The following NDUFAF2 variants were observed in gnomAD, a reference collection of about 807,000 sequenced individuals.
NDUFAF2 encodes the protein NADH dehydrogenase [ubiquinone] 1 alpha subcomplex assembly factor 2.
Under a neutral mutation model 22.8 loss-of-function variants are expected in NDUFAF2, and 13 were observed. The ratio of observed to expected loss-of-function variants is 0.57; its 90% CI spans 0.37 to 0.91. The LOEUF (loss-of-function observed/expected upper bound fraction) is 0.91, where lower values mean the gene tolerates loss of function less well. Ranked by LOEUF, NDUFAF2 falls within the 40% of genes least tolerant of loss-of-function variation. The pLI is 0.01. For synonymous variants in NDUFAF2, 53 were observed against 64.2 expected, an observed-to-expected ratio of 0.83 and a Z score of 0.84; for missense variants, 162 against 195.2, an observed-to-expected ratio of 0.83 and a Z score of 1.01.
chr5:61,051,331 G>GA (rs1752021344), intron 1 of NDUFAF2, among the ~76,000 whole-genome samples: 7 of 151,764 alleles, frequency 4.6e-5, no homozygotes, highest in Admixed American at 4.6e-4. Flanking sequence ...TGTACTTATC[G>GA]CTCTCTATTG....
At chr5:61,121,257 T>C (rs968334875) in intron 3 of NDUFAF2, among the ~76,000 whole-genome samples, 1 of 152,334 alleles carries the variant, frequency 6.6e-6, no homozygotes, top group South Asian at 2.1e-4. Context: ...TCAAATGTAC[T>C]CAATTTCCTT....
chr5:61,098,087 T>A lies in NDUFAF2; in HGVS notation c.218-905T>A, dbSNP rs1300964668. Among the ~76,000 whole-genome samples, 4 of 152,234 alleles carry A rather than the reference T, an allele frequency of 2.6e-5. 1 individual carries two copies. The highest frequency in any genetic ancestry group is 5.9e-5 in the Non-Finnish European group (4 of 68,042). ...TCTTATTTTTAAGAGATTTATTGAA[T>A]AATAGTAATAATTATACTAATAACT... On this transcript the variant is annotated intron_variant, in intron 2 of 3. Transcript: ENST00000296597.
intron 1 of NDUFAF2, among the ~76,000 whole-genome samples, chr5:61,051,525 G>A (rs1752023593): frequency 1.3e-5 from 2 of 151,984 alleles, no homozygotes. Flanking sequence ...AAAATATTAG[G>A]GTCATTGAAC....
chr5:61,099,185 C>T lies in NDUFAF2; in HGVS notation c.258+153C>T, dbSNP rs111335284. Among the ~76,000 whole-genome samples, 270 of 149,726 alleles carry T rather than the reference C, an allele frequency of 1.8e-3. 2 individuals are homozygous for T. Among genetic ancestry groups the T allele is most frequent in the African/African-American group, 6.4e-3 (262 of 40,996 alleles). On this transcript the variant is annotated intron_variant, in intron 3 of 3. Coordinates refer to ENST00000296597, the MANE Select transcript of NDUFAF2 (RefSeq NM_174889.5). ...ATTTTATAATAAATTAATATATAAA[C>T]CTATATTATTAATAAAATAATATAT...
intron 1 of NDUFAF2, among the ~76,000 whole-genome samples, chr5:61,000,047 A>G (rs927390768): frequency 1.3e-5 from 2 of 152,126 alleles, no homozygotes; most frequent in African/African-American, 4.8e-5. Flanking sequence ...TTAGAAGACC[A>G]TATGATAAAA....
intron 2 of NDUFAF2, among the ~76,000 whole-genome samples, chr5:61,089,582 T>C (rs1752542821): frequency 6.6e-6 from 1 of 152,124 alleles, no homozygotes; most frequent in Non-Finnish European, 1.5e-5. Context: ...GCATCACTCA[T>C]CATCCCAACA....
At chr5:61,006,662 C>T (rs1751370754) in intron 1 of NDUFAF2, among the ~76,000 whole-genome samples, 1 of 152,054 alleles carries the variant, frequency 6.6e-6, no homozygotes, top group Non-Finnish European at 1.5e-5. Context: ...CTTCACATCC[C>T]TTGTAAGTTG....
intron 1 of NDUFAF2, among the ~76,000 whole-genome samples, chr5:60,956,731 T>A (rs1015952548): frequency 6.6e-6 from 1 of 152,126 alleles, no homozygotes; most frequent in African/African-American, 2.4e-5. Flanking sequence ...TGTGCTGAGG[T>A]TTTTATGAAA....
intron 3 of NDUFAF2, among the ~76,000 whole-genome samples, chr5:61,135,148 A>T (rs1740904675): frequency 1.3e-5 from 2 of 152,116 alleles, no homozygotes; most frequent in South Asian, 2.1e-4. Flanking sequence ...CTGAAAAAAA[A>T]AAAAGCATAT....
At chr5:61,058,748 A>G (rs542077158) in intron 1 of NDUFAF2, among the ~76,000 whole-genome samples, 4 of 152,138 alleles carry the variant, frequency 2.6e-5, no homozygotes, top group African/African-American at 9.6e-5. Context: ...TACATTGTAG[A>G]CAATTTAGCT....
chr5:61,014,938 G>A (rs929668925), intron 1 of NDUFAF2, among the ~76,000 whole-genome samples: 2 of 152,104 alleles, frequency 1.3e-5, no homozygotes, highest in Non-Finnish European at 2.9e-5. Flanking sequence ...ACTATATATA[G>A]GGAGAAGAGA....
intron 1 of NDUFAF2, among the ~76,000 whole-genome samples, chr5:61,026,706 T>A (rs1028857100): frequency 6.6e-6 from 1 of 152,070 alleles, no homozygotes; most frequent in African/African-American, 2.4e-5. Context: ...TTTTAAAAAT[T>A]TTTTGAATGG....
At chr5:61,104,543 T>C (rs922135068) in intron 3 of NDUFAF2, among the ~76,000 whole-genome samples, 2 of 152,070 alleles carry the variant, frequency 1.3e-5, no homozygotes, top group African/African-American at 4.8e-5. Context: ...ATGATACTGC[T>C]GCGGTCTAAA....
At chr5:60,984,823 G>A (rs183015770) in intron 1 of NDUFAF2, among the ~76,000 whole-genome samples, 3 of 152,254 alleles carry the variant, frequency 2.0e-5, no homozygotes, top group South Asian at 2.1e-4. Context: ...TTTTTGCATC[G>A]ATGTTCATCA....
At chr5:61,150,807 A>C (rs1416065326) in intron 3 of NDUFAF2, among the ~76,000 whole-genome samples, 1 of 152,222 alleles carries the variant, frequency 6.6e-6, no homozygotes, top group East Asian at 1.9e-4. Context: ...AGACACAGGG[A>C]CTTGAATTTT....
chr5:61,146,055 C>T (rs920197758), intron 3 of NDUFAF2: 1 of 152,144 alleles, frequency 6.6e-6, no homozygotes, highest in Non-Finnish European at 1.5e-5. Flanking sequence ...TGACTAGAGA[C>T]TTTTTGTTGA....
At position 61,152,707 on chromosome 5, in the gene NDUFAF2, A is replaced by C. The variant is rs1327870556; in HGVS notation, c.262A>C (p.Ile88Leu). The C allele has an allele frequency of 9.6e-6, 15 of 1,554,854 alleles. No individual in the cohort carries two copies. Among genetic ancestry groups the C allele is most frequent in the African/African-American group, 1.4e-5 (1 of 71,830 alleles). ...TTCCATTTATATATACATGCAGGAA[A>C]TACTAAAGAATGAAAAACACAGAGA... ...TRKTPPTMEE[I>L]LKNEKHREEI... The change falls in exon 4 of 4, where the codon ATA becomes CTA. Residue 88 changes from isoleucine to leucine, a missense_variant. Physicochemically the swap from Ile to Leu is conservative, Grantham distance 5 (BLOSUM62 2). This residue lies in a region of NDUFAF2 where 68 missense variants were observed against 110.0 expected (regional missense o/e 0.62). Transcript: ENST00000296597.
chr5:61,090,645 T>C (rs375806368), intron 2 of NDUFAF2, among the ~76,000 whole-genome samples: 19 of 152,196 alleles, frequency 1.2e-4, no homozygotes, highest in African/African-American at 4.6e-4. Context: ...AGCTGTTTTC[T>C]AGAAAAAAAA....
At chr5:60,988,816 A>G (rs1040282553) in intron 1 of NDUFAF2, among the ~76,000 whole-genome samples, 1 of 152,114 alleles carries the variant, frequency 6.6e-6, no homozygotes. Context: ...ATCTAAAACT[A>G]TAATACCCTG....
Sources: allele counts gnomAD v4.1 joint callset (sites outside exome capture counted in the v4.1 genomes callset), GRCh38; gene constraint gnomAD v4.1.1; regional missense constraint gnomAD v4.1.1; transcripts MANE v1.5; gene names NCBI Gene and HGNC (gene_info 2026-07-23, HGNC 2026-07-21).